Variants in RIMS2 observed in about 807,000 individuals in gnomAD.
The protein encoded by RIMS2 is regulating synaptic membrane exocytosis 2.
Under a neutral mutation model 174.4 loss-of-function variants are expected in RIMS2, and 59 were observed. That is an observed-to-expected ratio of 0.34 (90% CI 0.27 to 0.42). The LOEUF (loss-of-function observed/expected upper bound fraction) is 0.42, where lower values mean the gene tolerates loss of function less well. RIMS2 is among the 10% of genes least tolerant of loss of function. The pLI is 1.00. For synonymous variants in RIMS2, 606 were observed against 572.5 expected (o/e 1.06, Z -0.84); for missense variants, 1,620 against 1,666.3 (o/e 0.97, Z 0.48).
chr8:103,742,219 ATCC>A (rs2097768622), intron 2 of RIMS2, among the ~76,000 whole-genome samples: 1 of 152,058 alleles, frequency 6.6e-6, no homozygotes. Context: ...GGATATAAAG[ATCC>A]TGAAGATCCT....
chr8:104,157,001 G>T (rs891714660), intron 19 of RIMS2, among the ~76,000 whole-genome samples: 3 of 152,132 alleles, frequency 2.0e-5, no homozygotes, highest in African/African-American at 7.2e-5. Flanking sequence ...AACCCTATAG[G>T]ATATGGCATG....
intron 2 of RIMS2, among the ~76,000 whole-genome samples, chr8:103,722,495 A>G (rs1242835938): frequency 6.6e-6 from 1 of 152,124 alleles, no homozygotes; most frequent in Non-Finnish European, 1.5e-5. Flanking sequence ...GCAGCACGCA[A>G]CCTAGATCCC....
chr8:103,844,361 T>C (rs2098956887), intron 3 of RIMS2, among the ~76,000 whole-genome samples: 1 of 152,216 alleles, frequency 6.6e-6, no homozygotes, highest in Non-Finnish European at 1.5e-5. Context: ...GAGGAAAATA[T>C]TGTAGTCAGT....
chr8:104,038,791 A>T (rs1286610333), intron 19 of RIMS2, among the ~76,000 whole-genome samples: 2 of 151,872 alleles, frequency 1.3e-5, no homozygotes, highest in African/African-American at 2.4e-5. Context: ...AACCACAGGA[A>T]ATCCAAAAAA....
At chr8:103,894,007 T>C (rs927599623) in intron 4 of RIMS2, among the ~76,000 whole-genome samples, 1 of 152,090 alleles carries the variant, frequency 6.6e-6, no homozygotes. Context: ...CACCATGGAA[T>C]GTGGATCACA....
chr8:103,963,221 C>T (rs1250927330), intron 15 of RIMS2, among the ~76,000 whole-genome samples: 1 of 151,978 alleles, frequency 6.6e-6, no homozygotes, highest in East Asian at 1.9e-4. Context: ...GGTAAAGCAA[C>T]TCAGATGTGA....
At chr8:104,058,509 G>T (rs62528383) in intron 19 of RIMS2, among the ~76,000 whole-genome samples, 101,494 of 145,358 alleles carry the variant, frequency 0.7, 35,827 homozygotes, top group Middle Eastern at 0.74. Context: ...TTTCTCCCAT[G>T]TTGTAGGTTG....
At chr8:103,597,359 A>G (rs1468114180) in intron 1 of RIMS2, among the ~76,000 whole-genome samples, 1 of 152,138 alleles carries the variant, frequency 6.6e-6, no homozygotes, top group African/African-American at 2.4e-5. Context: ...ACTTTCTGGC[A>G]TGCACATTAT....
intron 2 of RIMS2, among the ~76,000 whole-genome samples, chr8:103,700,710 A>G (rs974719725): frequency 3.3e-5 from 5 of 151,676 alleles, no homozygotes; most frequent in Non-Finnish European, 5.9e-5. Flanking sequence ...TGTTTTTTCA[A>G]TTTTAGCCTT....
At chr8:103,792,403 C>T (rs2098507801) in intron 3 of RIMS2, among the ~76,000 whole-genome samples, 1 of 152,178 alleles carries the variant, frequency 6.6e-6, no homozygotes, top group Non-Finnish European at 1.5e-5. Flanking sequence ...ACCAGAATCT[C>T]TGGGACACAC....
intron 2 of RIMS2, among the ~76,000 whole-genome samples, chr8:103,709,242 T>C (rs1307383325): frequency 6.6e-6 from 1 of 152,118 alleles, no homozygotes; most frequent in African/African-American, 2.4e-5. Flanking sequence ...ACATGTAGAA[T>C]ACAGTTATAA....
chr8:104,057,601 G>T (rs930701833), intron 19 of RIMS2, among the ~76,000 whole-genome samples: 1 of 150,166 alleles, frequency 6.7e-6, no homozygotes, highest in Non-Finnish European at 1.5e-5. Flanking sequence ...AAGTTTTAGG[G>T]TACATGTGCA....
chr8:103,930,018 ATAAG>A (rs1431745204), intron 11 of RIMS2, among the ~76,000 whole-genome samples: 2 of 152,022 alleles, frequency 1.3e-5, no homozygotes, highest in African/African-American at 2.4e-5. Context: ...TTTATAATAA[ATAAG>A]TGAGATAATA....
chr8:103,885,612 A>G, exon 4 of RIMS2: 1 of 1,613,080 alleles, frequency 6.2e-7, no homozygotes, highest in Non-Finnish European at 8.5e-7. Flanking sequence ...AGTGATCCGA[A>G]TTTGGCCCGT....
At chr8:103,992,314 C>T (rs377137529) in intron 17 of RIMS2, among the ~76,000 whole-genome samples, 2 of 98,968 alleles carry the variant, frequency 2.0e-5, no homozygotes, top group African/African-American at 3.9e-5. Context: ...TTAGTGGAAA[C>T]GGGGTTTCGC....
At chr8:103,767,044 T>C (rs558026792) in intron 3 of RIMS2, among the ~76,000 whole-genome samples, 1 of 152,228 alleles carries the variant, frequency 6.6e-6, no homozygotes, top group Non-Finnish European at 1.5e-5. Flanking sequence ...GATATATCCA[T>C]GTGCTAACTC....
chr8:103,734,011 CTTCTTTTTTT>C (rs1564444135), intron 2 of RIMS2, among the ~76,000 whole-genome samples: 2 of 99,912 alleles, frequency 2.0e-5, no homozygotes, highest in Non-Finnish European at 3.9e-5. Context: ...CTCCTAAAAG[CTTCTTTTTTT>C]TTTTTTTTTT....
Position 103,880,707 on chromosome 8 carries a change from T to C in RIMS2, c.699-4591T>C, listed in dbSNP as rs1183031906. The C allele has an allele frequency of 7.9e-6, 4 of 507,342 alleles. No homozygotes were observed. In the Admixed American group the frequency reaches 1.2e-4, roughly 15 times the overall value. The allele number at this position is 507,342 out of a possible 1,614,324, so 31.4% of individuals were successfully genotyped here. A position where few individuals can be genotyped will look rare whatever the true frequency, so the allele number is the denominator to read the frequency against. On this transcript the variant is annotated intron_variant, in intron 3 of 23. Transcript: ENST00000504942. Reference sequence around the variant, plus strand: ...GAACAAAGGTAAAATAATGAAAATATATTAAATCTTAATTGTGATATGTAA... The same window carrying C: ...GAACAAAGGTAAAATAATGAAAATACATTAAATCTTAATTGTGATATGTAA...
At chr8:103,605,761 C>T in intron 1 of RIMS2, among the ~76,000 whole-genome samples, 1 of 151,866 alleles carries the variant, frequency 6.6e-6, no homozygotes, top group Non-Finnish European at 1.5e-5. Context: ...TTATCCATTT[C>T]TGCTAGATTT....
Sources: gnomAD v4.1 joint callset for allele counts (sites outside exome capture counted in the v4.1 genomes callset) on GRCh38, gnomAD v4.1.1 for gene constraint, MANE v1.5 for transcripts, NCBI Gene and HGNC (gene_info 2026-07-23, HGNC 2026-07-21) for gene names.